FYCO1: variants seen among roughly 807,000 people sequenced by gnomAD.
FYCO1 encodes the protein FYVE and coiled-coil domain autophagy adaptor 1, also known as FYVE and coiled-coil domain-containing protein 1.
Under a neutral mutation model 165.1 loss-of-function variants are expected in FYCO1, and 122 were observed. The observed-to-expected ratio is 0.74, with a 90% confidence interval of 0.64 to 0.86. The LOEUF (loss-of-function observed/expected upper bound fraction) is 0.86. Ranked by LOEUF, FYCO1 falls within the 40% of genes least tolerant of loss-of-function variation. The pLI, the probability that FYCO1 is intolerant of heterozygous loss-of-function variation, is 0.00. For missense variants in FYCO1, 1,702 were observed against 1,810.3 expected (o/e 0.94, Z 1.09); for synonymous variants, 648 against 742.5 (o/e 0.87, Z 2.07).
At chr3:45,928,731 C>A (rs554840341) in intron 16 of FYCO1, among the ~76,000 whole-genome samples, 1 of 152,278 alleles carries the variant, frequency 6.6e-6, no homozygotes, top group East Asian at 1.9e-4. Flanking sequence ...CATCTCTGTT[C>A]CCCAGGCTGG....
chr3:45,926,252 T>C (rs999628299), intron 16 of FYCO1, among the ~76,000 whole-genome samples: 1 of 152,130 alleles, frequency 6.6e-6, no homozygotes, highest in African/African-American at 2.4e-5. Context: ...CCCAACCCTA[T>C]CATGCCTACA....
At position 45,975,260 on chromosome 3, in the gene FYCO1, A is replaced by G; in HGVS notation, c.374T>C (p.Phe125Ser). ...TTACCTGGTCACTTTGGTGTTCATGAAGCACTGCTGTAAGGTGTCTGCCAA... is the reference window on the plus strand; with the variant it reads ...TTACCTGGTCACTTTGGTGTTCATGGAGCACTGCTGTAAGGTGTCTGCCAA... ...QRLADTLQQCFMNTKVTSDWY... is the reference protein window; with the variant it reads ...QRLADTLQQCSMNTKVTSDWY... Residue 125 changes from phenylalanine to serine, a missense_variant, in exon 5 of 18, where the codon TTC becomes TCC. Coordinates refer to ENST00000296137, the MANE Select transcript of FYCO1 (RefSeq NM_024513.4). 1.2e-6 allele frequency: 2 copies of G among 1,613,182 alleles called. No individual in the cohort carries two copies. The highest frequency in any genetic ancestry group is 1.7e-6 in the Non-Finnish European group (2 of 1,179,120).
intron 1 of FYCO1, among the ~76,000 whole-genome samples, chr3:45,985,773 T>G (rs991662909): frequency 3.3e-5 from 5 of 152,250 alleles, no homozygotes; most frequent in African/African-American, 4.8e-5. Context: ...CATGGGCAGC[T>G]GTTGAAGTGA....
At chr3:45,922,789 C>T (rs188555809) in intron 17 of FYCO1, among the ~76,000 whole-genome samples, 1 of 152,270 alleles carries the variant, frequency 6.6e-6, no homozygotes, top group East Asian at 1.9e-4. Flanking sequence ...TCCCTAGTGT[C>T]CTGTCTAGTT....
rs1703074570 is a variant in FYCO1, at chr3:45,921,147, C to T, written c.*618G>A. 1 of 169,274 alleles carries T rather than the reference C, an allele frequency of 5.9e-6. No individual in the cohort carries two copies. The highest frequency in any genetic ancestry group is 1.3e-5 in the Non-Finnish European group (1 of 76,724). The allele number at this position is 169,274 out of a possible 1,614,324, so 10.5% of individuals were successfully genotyped here. On this transcript the variant is annotated 3_prime_UTR_variant, in exon 18 of 18. Transcript: ENST00000296137. ...AAGAGAGTGCAGCTTAGAGGCCCCT[C>T]CAACACTGCTGAGTTCTGGAGCAGC...
chr3:45,947,423 C>T, intron 14 of FYCO1: 2 of 1,614,168 alleles, frequency 1.2e-6, no homozygotes, highest in Non-Finnish European at 1.7e-6. Flanking sequence ...ACCTTGGGGT[C>T]TCACATCAAT....
intron 3 of FYCO1, among the ~76,000 whole-genome samples, chr3:45,980,827 T>C (rs9856418): frequency 0.027 from 4,129 of 152,134 alleles, 182 homozygotes; most frequent in African/African-American, 0.091. Context: ...AACACAAAAA[T>C]AGAAAAAAAT....
At chr3:45,979,874 C>A in intron 3 of FYCO1, 44 bp from the exon 4 acceptor site, 1 of 1,610,726 alleles carries the variant, frequency 6.2e-7, no homozygotes. Context: ...AAACCCACTG[C>A]TCTTCATTCC....
chr3:45,946,691 G>C, intron 14 of FYCO1: 1 of 1,614,212 alleles, frequency 6.2e-7, no homozygotes, highest in Non-Finnish European at 8.5e-7. Context: ...ATGTGTTCCT[G>C]GTGAACCTAC....
At position 45,921,339 on chromosome 3, in the gene FYCO1, C is replaced by G. The variant is rs1343932182; in HGVS notation, c.*426G>C. On this transcript the variant is annotated 3_prime_UTR_variant, in exon 18 of 18. Transcript: ENST00000296137. ...GATTCACAGGGCATGGCCAGTGCAC[C>G]CAGCTCAGTCTCCAACATGCAGGGC... The G allele has an allele frequency of 1.0e-5, 3 of 299,880 alleles. No homozygotes were observed. The highest frequency in any genetic ancestry group is 1.9e-5 in the Non-Finnish European group (3 of 154,144). The allele number at this position is 299,880 out of a possible 1,614,324, so 18.6% of individuals were successfully genotyped here. A position where few individuals can be genotyped will look rare whatever the true frequency, so the allele number is the denominator to read the frequency against.
At chr3:45,978,812 G>C (rs982012034) in intron 4 of FYCO1, among the ~76,000 whole-genome samples, 1 of 151,896 alleles carries the variant, frequency 6.6e-6, no homozygotes, top group Non-Finnish European at 1.5e-5. Flanking sequence ...AGAAAGGAGA[G>C]TGTGAGTGTG....
chr3:45,964,552 C>T lies in FYCO1; in HGVS notation c.3151-98G>A. 1 of 1,573,804 alleles carries T rather than the reference C, an allele frequency of 6.4e-7. No homozygotes were observed. Among genetic ancestry groups the T allele is most frequent in the Non-Finnish European group, 8.6e-7 (1 of 1,161,680 alleles). On this transcript the variant is annotated intron_variant, in intron 9 of 17. Transcript: ENST00000296137. This position sits in a 1 kb window ranked among gnomAD's most constrained non-coding sequence, Gnocchi z 4.1. ...TGCCATCCACCCCATCTGGCTGGGT[C>T]ACTTCTAAATGGAGGGTTGTTTCCT...
At chr3:45,950,032 G>A (rs1704905819) in intron 14 of FYCO1, among the ~76,000 whole-genome samples, 1 of 152,160 alleles carries the variant, frequency 6.6e-6, no homozygotes, top group Non-Finnish European at 1.5e-5. Flanking sequence ...CCAGGAAGCA[G>A]AAGATGCTGT....
At chr3:45,994,441 G>T (rs1707700839) in intron 1 of FYCO1, among the ~76,000 whole-genome samples, 1 of 152,142 alleles carries the variant, frequency 6.6e-6, no homozygotes, top group African/African-American at 2.4e-5. Flanking sequence ...AATCAAAGGA[G>T]GCTGAGATCC....
intron 2 of FYCO1, among the ~76,000 whole-genome samples, chr3:45,982,621 T>A (rs959104795): frequency 7.8e-5 from 3 of 38,678 alleles, no homozygotes; most frequent in African/African-American, 3.4e-4. Context: ...GAAAACCTTT[T>A]CCCAGCAGAG....
At chr3:45,940,063 G>A (rs1162354714) in intron 14 of FYCO1, among the ~76,000 whole-genome samples, 2 of 152,134 alleles carry the variant, frequency 1.3e-5, no homozygotes, top group African/African-American at 4.8e-5. Context: ...TGTGATCTGG[G>A]GGCATCTTTA....
At chr3:45,978,913 G>A (rs1186484851) in intron 4 of FYCO1, among the ~76,000 whole-genome samples, 1 of 149,368 alleles carries the variant, frequency 6.7e-6, no homozygotes, top group East Asian at 2.0e-4. Context: ...CTGGAGTGCA[G>A]TGGCGCGATC....
rs147254174 is a variant in FYCO1 at position 45,983,450 on chromosome 3, C to A, written c.55+1406G>T. On this transcript the variant is annotated intron_variant, in intron 2 of 17. Transcript: ENST00000296137. ...CCTTTCAAGAATTCCCACCAAAGTG[C>A]TCTGTGGCCTATGTAAAGGACATTG... is the stretch of plus-strand genomic sequence containing the variant. Among the ~76,000 whole-genome samples the A allele has an allele frequency of 2.2e-3, 335 of 152,340 alleles. 2 individuals are homozygous for A. The highest frequency in any genetic ancestry group is 3.8e-3 in the Non-Finnish European group (256 of 68,034).
intron 10 of FYCO1, among the ~76,000 whole-genome samples, chr3:45,963,036 C>T (rs1705792140): frequency 6.6e-6 from 1 of 152,150 alleles, no homozygotes; most frequent in African/African-American, 2.4e-5. Context: ...TTTCCTAAGG[C>T]AGTGGTTTTC....
Sources: allele counts gnomAD v4.1 joint callset (sites outside exome capture counted in the v4.1 genomes callset), GRCh38; gene constraint gnomAD v4.1.1; non-coding constraint Gnocchi (gnomAD v3.1); transcripts MANE v1.5; gene names NCBI Gene and HGNC (gene_info 2026-07-23, HGNC 2026-07-21).